SEMA6D: variants seen among roughly 807,000 people sequenced by gnomAD.
SEMA6D encodes semaphorin-6D.
Under a neutral mutation model 106.6 loss-of-function variants are expected in SEMA6D, and 35 were observed. The ratio of observed to expected loss-of-function variants is 0.33; its 90% CI spans 0.25 to 0.44. The LOEUF is 0.44. SEMA6D is among the 20% of genes least tolerant of loss of function. SEMA6D has a pLI of 1.00. For synonymous variants in SEMA6D, 499 were observed against 487.7 expected (o/e 1.02, Z -0.31); for missense variants, 1,185 against 1,345.9 (o/e 0.88, Z 1.87).
chr15:47,422,176 G>GCCTTCCTTCCTT lies in SEMA6D; in HGVS notation c.-159+9707_-159+9708insTCCTTCCTTCCT, dbSNP rs1345421540. The stretch of plus-strand genomic sequence containing the variant: ...ACTCTTATTTTTTGCCCGCCCGCCT[G>GCCTTCCTTCCTT]CCTGCCTTCCTTCCTTCCTTCCTTC... On this transcript the variant is annotated intron_variant, in intron 2 of 19. Coordinates refer to the SEMA6D transcript ENST00000558014. Among the ~76,000 whole-genome samples, 57 of 74,778 alleles carry GCCTTCCTTCCTT rather than the reference G, an allele frequency of 7.6e-4. 1 individual carries two copies. Among genetic ancestry groups the GCCTTCCTTCCTT allele is most frequent in the Admixed American group, 7.1e-3 (43 of 6,096 alleles). The allele number at this position is 74,778 out of a possible 152,430, so 49.1% of individuals were successfully genotyped here. A position where few individuals can be genotyped will look rare whatever the true frequency, so the allele number is the denominator to read the frequency against.
chr15:47,518,736 G>C (rs1286239887), intron 3 of SEMA6D, among the ~76,000 whole-genome samples: 1 of 152,170 alleles, frequency 6.6e-6, no homozygotes, highest in Non-Finnish European at 1.5e-5. Flanking sequence ...TGAGTGAGTG[G>C]TGAATGACTA....
chr15:47,349,525 G>A (rs187937084), intron 1 of SEMA6D, among the ~76,000 whole-genome samples: 13 of 152,130 alleles, frequency 8.5e-5, no homozygotes, highest in African/African-American at 3.1e-4. Context: ...TAGTTCTGCT[G>A]CTTGAAGGGC....
intron 4 of SEMA6D, among the ~76,000 whole-genome samples, chr15:47,676,720 A>G (rs1297631612): frequency 2.6e-5 from 4 of 152,282 alleles, no homozygotes; most frequent in Middle Eastern, 3.4e-3. Context: ...CAAGTTACCT[A>G]TTGCTGCAAA....
At chr15:47,258,665 C>G (rs1292730147) in intron 1 of SEMA6D, among the ~76,000 whole-genome samples, 1 of 152,054 alleles carries the variant, frequency 6.6e-6, no homozygotes, top group Non-Finnish European at 1.5e-5. Flanking sequence ...CCTTTGGACT[C>G]AGACTGAACT....
At chr15:47,487,416 GTACATGTATACATGTATAGT>G (rs1200238946) in intron 3 of SEMA6D, among the ~76,000 whole-genome samples, 6 of 152,046 alleles carry the variant, frequency 3.9e-5, no homozygotes, top group African/African-American at 1.4e-4. Context: ...TATAATACAT[GTACATGTATACATGTATAGT>G]TACATCTGTA....
At chr15:47,225,531 T>G (rs1441659137) in intron 1 of SEMA6D, among the ~76,000 whole-genome samples, 2 of 45,188 alleles carry the variant, frequency 4.4e-5, no homozygotes, top group Middle Eastern at 9.4e-3. Context: ...TTTTTTTTTT[T>G]TTTTTTTTTT....
intron 1 of SEMA6D, chr15:47,397,770 A>G (rs2040265789): frequency 6.6e-6 from 1 of 152,234 alleles, no homozygotes; most frequent in African/African-American, 2.4e-5. Context: ...ATGTTGTAAC[A>G]TAACTATGAT....
intron 1 of SEMA6D, chr15:47,274,348 C>G (rs976177798): frequency 6.6e-6 from 1 of 152,132 alleles, no homozygotes; most frequent in African/African-American, 2.4e-5. Context: ...GCTTTCATGT[C>G]TGCCAAAATG....
chr15:47,699,987 TAAGA>T (rs1231499770), intron 4 of SEMA6D, among the ~76,000 whole-genome samples: 1 of 152,108 alleles, frequency 6.6e-6, no homozygotes. Context: ...ATATCAGCAA[TAAGA>T]AAGTGGAATT....
chr15:47,689,468 C>G (rs1393213181), intron 4 of SEMA6D, among the ~76,000 whole-genome samples: 4 of 152,212 alleles, frequency 2.6e-5, no homozygotes, highest in Non-Finnish European at 5.9e-5. Flanking sequence ...TTGGCTATAT[C>G]TTAGAATAGG....
At chr15:47,634,906 TG>T (rs1186488217) in intron 4 of SEMA6D, among the ~76,000 whole-genome samples, 2 of 152,208 alleles carry the variant, frequency 1.3e-5, no homozygotes, top group African/African-American at 4.8e-5. Flanking sequence ...CATGTCTGAC[TG>T]GAATGTGGAA....
intron 3 of SEMA6D, among the ~76,000 whole-genome samples, chr15:47,557,178 G>A (rs1056408131): frequency 2.0e-5 from 3 of 152,130 alleles, no homozygotes; most frequent in Non-Finnish European, 4.4e-5. Flanking sequence ...AGGCCTAGGG[G>A]AAACTCAACA....
chr15:47,751,303 A>G (rs2081420599), intron 1 of SEMA6D, among the ~76,000 whole-genome samples: 1 of 151,966 alleles, frequency 6.6e-6, no homozygotes, highest in Admixed American at 6.6e-5. Flanking sequence ...TTCAATTACA[A>G]CCCTCCTTGT....
intron 1 of SEMA6D, among the ~76,000 whole-genome samples, chr15:47,375,959 A>G (rs2145504443): frequency 6.6e-6 from 1 of 152,354 alleles, no homozygotes; most frequent in African/African-American, 2.4e-5. Flanking sequence ...ATCCACTCAC[A>G]TTGCCTGTTC....
At chr15:47,496,709 G>GT (rs1221012887) in intron 3 of SEMA6D, among the ~76,000 whole-genome samples, 9 of 151,966 alleles carry the variant, frequency 5.9e-5, no homozygotes, top group Non-Finnish European at 7.4e-5. Context: ...CTTTTCCCAT[G>GT]TTTTTTTCTG....
intron 1 of SEMA6D, among the ~76,000 whole-genome samples, chr15:47,208,744 A>G (rs540786669): frequency 2.6e-5 from 4 of 152,172 alleles, no homozygotes; most frequent in Non-Finnish European, 5.9e-5. Context: ...TCTTCTTATC[A>G]TTGGGCAGAA....
chr15:47,341,669 G>C (rs537976658), intron 1 of SEMA6D, among the ~76,000 whole-genome samples: 46 of 152,010 alleles, frequency 3.0e-4, no homozygotes, highest in Non-Finnish European at 4.9e-4. Flanking sequence ...AATAAATATA[G>C]CTCTGTAGGA....
intron 4 of SEMA6D, among the ~76,000 whole-genome samples, chr15:47,673,771 C>T (rs1199619926): frequency 2.0e-5 from 3 of 152,130 alleles, no homozygotes; most frequent in Non-Finnish European, 4.4e-5. Context: ...ATTAAGTTTG[C>T]AAACTAGCCT....
chr15:47,702,291 C>T (rs752258713), intron 4 of SEMA6D, among the ~76,000 whole-genome samples: 4 of 152,094 alleles, frequency 2.6e-5, no homozygotes, highest in African/African-American at 9.7e-5. Context: ...CATATGTCAT[C>T]AAAGAAATGC....
Sources: gnomAD v4.1 joint callset for allele counts (sites outside exome capture counted in the v4.1 genomes callset) on GRCh38, gnomAD v4.1.1 for gene constraint, MANE v1.5 for transcripts, NCBI Gene and HGNC (gene_info 2026-07-23, HGNC 2026-07-21) for gene names.